The following KLHL13 variants were observed in gnomAD, a reference collection of about 807,000 sequenced individuals.
The protein encoded by KLHL13 is kelch-like protein 13.
In KLHL13, 10 loss-of-function variants were observed where a neutral mutation model predicts 37.1. The observed-to-expected ratio is 0.27, with a 90% CI of 0.17 to 0.46. KLHL13 has a LOEUF of 0.46. KLHL13 is among the 20% of genes least tolerant of loss of function. The pLI is 1.00. For synonymous variants in KLHL13, 163 were observed against 181.2 expected, an observed-to-expected ratio of 0.90 and a Z score of 0.81; for missense variants, 360 against 509.3, an observed-to-expected ratio of 0.71 and a Z score of 2.82.
At chrX:117,954,596 G>A (rs1213148008) in intron 1 of KLHL13, among the ~76,000 whole-genome samples, 1 of 112,646 alleles carries the variant, frequency 8.9e-6, no homozygotes, top group Non-Finnish European at 1.9e-5. Flanking sequence ...ACAAACAAGT[G>A]AATTCAAATC....
At chrX:118,028,693 T>G in intron 1 of KLHL13, among the ~76,000 whole-genome samples, 196 bp from the exon 2 acceptor site, 1 of 112,217 alleles carries the variant, frequency 8.9e-6, no homozygotes, top group African/African-American at 3.2e-5. Context: ...AGTAAAAATA[T>G]CTATGAAATT....
intron 1 of KLHL13, among the ~76,000 whole-genome samples, chrX:118,038,094 A>T (rs937926134): frequency 6.2e-5 from 7 of 112,574 alleles, no homozygotes; most frequent in African/African-American, 1.9e-4. Context: ...ACCATAGGAC[A>T]CACCAAACAG....
rs778251861 is a variant in KLHL13 at position 117,936,632 on chromosome X, C to A, written c.240+8802G>T. Among the ~76,000 whole-genome samples the A allele has an allele frequency of 6.8e-4, 75 of 110,994 alleles. 1 individual carries two copies. Among genetic ancestry groups the A allele is most frequent in the Non-Finnish European group, 1.3e-3 (67 of 53,011 alleles). On this transcript the variant is annotated intron_variant, in intron 2 of 6. Transcript: ENST00000262820. ...CACCATGACTCCTACCCTCACTGTT[C>A]TGCTCTGTCTAGGTGAGACTTAAAG...
chrX:118,063,190 A>G (rs969561583), intron 1 of KLHL13, among the ~76,000 whole-genome samples: 2 of 111,305 alleles, frequency 1.8e-5, no homozygotes, highest in African/African-American at 6.5e-5. Context: ...AAATCCATAA[A>G]CCATGCTCAC....
At chrX:117,977,701 T>C (rs1020488215), upstream of KLHL13, among the ~76,000 whole-genome samples, 2 of 112,317 alleles carry the variant, frequency 1.8e-5, no homozygotes, top group Admixed American at 9.5e-5. Flanking sequence ...CTGCAGATCA[T>C]GCCAAATTGT....
intron 2 of KLHL13, among the ~76,000 whole-genome samples, chrX:117,929,958 T>C (rs1176978506): frequency 9.3e-6 from 1 of 108,010 alleles, no homozygotes; most frequent in African/African-American, 3.4e-5. Context: ...TGAGACCTTG[T>C]CTCAAAAAAA....
At chrX:118,015,762 C>A (rs2054121248) in intron 1 of KLHL13, among the ~76,000 whole-genome samples, 1 of 111,560 alleles carries the variant, frequency 9.0e-6, no homozygotes, top group Non-Finnish European at 1.9e-5. Flanking sequence ...ACCATAAGAT[C>A]TTATGACAAT....
chrX:118,033,487 A>G (rs1285637278), intron 1 of KLHL13, among the ~76,000 whole-genome samples: 1 of 111,012 alleles, frequency 9.0e-6, no homozygotes, highest in African/African-American at 3.3e-5. Context: ...ATCCGGCCAA[A>G]CTAAGCTTCA....
At position 117,933,368 on chromosome X, in the gene KLHL13, G is replaced by A. The variant is rs767986824; in HGVS notation, c.240+12066C>T. ...CCAGAAATAAATCCATGTATTTACAGCCAAGTGATTTTTTTAATAAAGGTG... is the reference window on the plus strand; with the variant it reads ...CCAGAAATAAATCCATGTATTTACAACCAAGTGATTTTTTTAATAAAGGTG... On this transcript the variant is annotated intron_variant, in intron 2 of 6. Coordinates refer to ENST00000262820, the Ensembl canonical transcript of KLHL13. 4.5e-5 allele frequency among the ~76,000 whole-genome samples: 5 copies of A among 111,218 alleles called. 1 individual carries two copies. In the South Asian group the frequency reaches 1.9e-3, roughly 42 times the overall value.
chrX:117,965,047 T>C (rs192650959), intron 1 of KLHL13, among the ~76,000 whole-genome samples: 58 of 112,192 alleles, frequency 5.2e-4, no homozygotes, highest in African/African-American at 1.8e-3. Context: ...GCAATAAACA[T>C]ACATGTGCAT....
At chrX:118,076,054 T>A (rs768133892) in intron 1 of KLHL13, among the ~76,000 whole-genome samples, 25 of 111,921 alleles carry the variant, frequency 2.2e-4, no homozygotes, top group African/African-American at 7.8e-4. Flanking sequence ...TTTCTAATTT[T>A]ATGTTTATTT....
At chrX:117,913,493 G>T (rs1016906050) in intron 4 of KLHL13, among the ~76,000 whole-genome samples, 1 of 111,911 alleles carries the variant, frequency 8.9e-6, no homozygotes, top group African/African-American at 3.2e-5. Context: ...TCCAAAGAAG[G>T]TTCACTTAAA....
chrX:118,067,948 T>C (rs963923817), intron 1 of KLHL13, among the ~76,000 whole-genome samples: 3 of 112,025 alleles, frequency 2.7e-5, no homozygotes, highest in Non-Finnish European at 5.6e-5. Context: ...TTATGTACTA[T>C]ATATATAACA....
At position 117,970,703 on chromosome X, in the gene KLHL13, C is replaced by T. The variant is rs181867079; in HGVS notation, c.98+2028G>A. 3.0e-3 allele frequency among the ~76,000 whole-genome samples: 330 copies of T among 111,327 alleles called. 1 individual carries two copies. The highest frequency in any genetic ancestry group is 0.01 in the African/African-American group (321 of 30,764). On this transcript the variant is annotated intron_variant, in intron 1 of 6. Coordinates refer to ENST00000262820, the Ensembl canonical transcript of KLHL13. ...GCAATGAACTGTGATCTAAAATGGT[C>T]AAAAACTAAACAACATATTTAAAAA...
intron 5 of KLHL13, among the ~76,000 whole-genome samples, chrX:117,907,187 T>G (rs62609219): frequency 0.064 from 7,077 of 110,681 alleles, 207 homozygotes; most frequent in Middle Eastern, 0.12. Context: ...TGCCCAACAG[T>G]GTGGTCTATT....
intron 1 of KLHL13, among the ~76,000 whole-genome samples, chrX:117,967,071 A>C (rs1179861958): frequency 8.9e-6 from 1 of 111,938 alleles, no homozygotes; most frequent in Non-Finnish European, 1.9e-5. Context: ...GGATCTAATT[A>C]AACTCAAGAG....
rs776198789 is a variant in KLHL13 at position 117,945,582 on chromosome X, G to GT, written c.99-8dup. 7 of 1,184,068 alleles carry GT rather than the reference G, an allele frequency of 5.9e-6. No individual in the cohort carries two copies. In the African/African-American group the frequency reaches 7.1e-5, roughly 12 times the overall value. On this transcript the variant is annotated splice_polypyrimidine_tract_variant and splice_region_variant and intron_variant, in intron 1 of 6. Coordinates refer to ENST00000262820, the Ensembl canonical transcript of KLHL13. Reference sequence around the variant, plus strand: ...TTCCTCTTCCACGAGAGATCTGAAAGTTTTTTTACATAAGAAAGAAGGGGA... The same window carrying GT: ...TTCCTCTTCCACGAGAGATCTGAAAGTTTTTTTTACATAAGAAAGAAGGGGA...
exon 1 of KLHL13, chrX:117,973,077 A>T: frequency 9.8e-7 from 1 of 1,016,280 alleles, no homozygotes; most frequent in Non-Finnish European, 1.2e-6. Flanking sequence ...GTGCCAGAAA[A>T]GCGTTGACTG....
chrX:117,950,984 T>G (rs1468903387), intron 1 of KLHL13, among the ~76,000 whole-genome samples: 1 of 112,143 alleles, frequency 8.9e-6, no homozygotes, highest in Non-Finnish European at 1.9e-5. Context: ...ATTAAAAACT[T>G]AAGATGGTAG....
Sources: allele counts gnomAD v4.1 joint callset (sites outside exome capture counted in the v4.1 genomes callset), GRCh38; gene constraint gnomAD v4.1.1; transcripts MANE v1.5; gene names NCBI Gene and HGNC (gene_info 2026-07-23, HGNC 2026-07-21).